The following WARS2 variants were observed in gnomAD, a reference collection of about 807,000 sequenced individuals.
WARS2 encodes the protein tryptophanyl tRNA synthetase 2, mitochondrial, also known as tryptophan--tRNA ligase, mitochondrial.
A neutral mutation model predicts 36.5 loss-of-function variants in WARS2; 28 were observed. The ratio of observed to expected loss-of-function variants is 0.77; its 90% CI spans 0.57 to 1.05. The LOEUF is 1.05. Ranked by LOEUF, WARS2 falls within the 50% of genes least tolerant of loss-of-function variation. The pLI, the probability that WARS2 is intolerant of heterozygous loss-of-function variation, is 0.00. For missense variants in WARS2, 435 were observed against 456.8 expected (o/e 0.95, Z 0.44); for synonymous variants, 174 against 178.4 (o/e 0.98, Z 0.20).
intron 5 of WARS2, among the ~76,000 whole-genome samples, chr1:119,033,830 A>T (rs896895474): frequency 6.6e-6 from 1 of 152,334 alleles, no homozygotes; most frequent in Admixed American, 6.5e-5. Context: ...TACTTTATAA[A>T]TATTATTTTA....
chr1:119,096,248 C>T (rs904990485), intron 1 of WARS2, among the ~76,000 whole-genome samples: 4 of 152,088 alleles, frequency 2.6e-5, no homozygotes, highest in Non-Finnish European at 5.9e-5. Flanking sequence ...AGTAATGCAG[C>T]AACAAAGTTT....
chr1:119,044,165 T>G (rs1648602387), intron 3 of WARS2, among the ~76,000 whole-genome samples: 2 of 152,178 alleles, frequency 1.3e-5, no homozygotes, highest in African/African-American at 4.8e-5. Flanking sequence ...AATGAAGGAA[T>G]CACCACAGAA....
At chr1:119,137,344 T>C (rs587686443) in intron 1 of WARS2, among the ~76,000 whole-genome samples, 1 of 152,322 alleles carries the variant, frequency 6.6e-6, no homozygotes, top group East Asian at 1.9e-4. Flanking sequence ...AACCACGCTT[T>C]TTTTCTTTTT....
chr1:119,079,850 G>A (rs977300717), intron 1 of WARS2, among the ~76,000 whole-genome samples: 4 of 152,258 alleles, frequency 2.6e-5, no homozygotes, highest in Admixed American at 6.5e-5. Flanking sequence ...TCAGGTAATT[G>A]AGAACAAATA....
At chr1:119,057,380 G>A (rs1038292655) in intron 2 of WARS2, among the ~76,000 whole-genome samples, 3 of 151,512 alleles carry the variant, frequency 2.0e-5, no homozygotes, top group African/African-American at 7.3e-5. Flanking sequence ...TCCTGATCTC[G>A]TGATCCTCCC....
chr1:119,042,193 G>C (rs1648426505), intron 4 of WARS2, 71 bp downstream of exon 4: 3 of 1,442,540 alleles, frequency 2.1e-6, no homozygotes, highest in Non-Finnish European at 2.9e-6. Flanking sequence ...AACCAAGTCT[G>C]TATTGAATAG....
intron 1 of WARS2, among the ~76,000 whole-genome samples, chr1:119,104,699 T>G (rs1026199616): frequency 1.3e-5 from 2 of 150,372 alleles, no homozygotes; most frequent in African/African-American, 4.9e-5. Context: ...GAAAAGTACC[T>G]TGGAGCACAT....
chr1:119,125,498 A>G lies in WARS2; in HGVS notation c.90+15057T>C, dbSNP rs1222939664. Among the ~76,000 whole-genome samples the G allele has an allele frequency of 3.3e-5, 5 of 152,328 alleles. No individual in the cohort carries two copies. In the South Asian group the frequency reaches 1.0e-3, roughly 32 times the overall value. On this transcript the variant is annotated intron_variant, in intron 1 of 5. Coordinates refer to ENST00000235521, the MANE Select transcript of WARS2 (RefSeq NM_015836.4). ...CTCCAATATCTACCATATAATAAGT[A>G]CTCAATAAATATTTGTTGAATGAAT...
intron 1 of WARS2, among the ~76,000 whole-genome samples, chr1:119,136,726 T>G (rs935902520): frequency 2.6e-5 from 4 of 152,204 alleles, no homozygotes; most frequent in Non-Finnish European, 5.9e-5. Flanking sequence ...AAACCTACAA[T>G]AACAAATACT....
At chr1:119,092,030 G>C (rs1476473023) in intron 1 of WARS2, among the ~76,000 whole-genome samples, 1 of 152,166 alleles carries the variant, frequency 6.6e-6, no homozygotes, top group African/African-American at 2.4e-5. Flanking sequence ...GTTTGAACTA[G>C]AATCTAGAAT....
intron 1 of WARS2, chr1:119,085,313 G>A (rs1557970234): frequency 2.4e-6 from 3 of 1,225,108 alleles, no homozygotes; most frequent in Non-Finnish European, 3.6e-6. Flanking sequence ...GCCCCTCCCT[G>A]GGCACTGACT....
intron 1 of WARS2, among the ~76,000 whole-genome samples, chr1:119,130,895 A>G (rs1226610218): frequency 1.3e-5 from 2 of 152,168 alleles, no homozygotes; most frequent in Non-Finnish European, 2.9e-5. Flanking sequence ...GGTGGCCTCT[A>G]GAAACATACT....
chr1:119,085,794 C>G (rs587617998), intron 1 of WARS2: 1 of 1,607,724 alleles, frequency 6.2e-7, no homozygotes, highest in Non-Finnish European at 8.5e-7. Flanking sequence ...TGAGAACACA[C>G]AGATGATGTC....
intron 2 of WARS2, among the ~76,000 whole-genome samples, chr1:119,072,306 A>C (rs1651387500): frequency 6.6e-6 from 1 of 152,230 alleles, no homozygotes; most frequent in African/African-American, 2.4e-5. Context: ...AGGTAAGCAC[A>C]GCTTCTACTC....
chr1:119,091,189 G>A (rs746939158), intron 1 of WARS2, among the ~76,000 whole-genome samples: 7 of 152,170 alleles, frequency 4.6e-5, no homozygotes, highest in Non-Finnish European at 1.0e-4. Flanking sequence ...TGCAAATTAT[G>A]TAACCTCTCT....
chr1:119,049,241 C>A lies in WARS2; in HGVS notation c.349-3579G>T, dbSNP rs558436716. ...GGAACGACATGGGGTTTGTCTGGGG[C>A]AGTCGGAGGACAACCTGGGCCACCA... On this transcript the variant is annotated intron_variant, in intron 2 of 5. Coordinates refer to ENST00000235521, the MANE Select transcript of WARS2 (RefSeq NM_015836.4). Among the ~76,000 whole-genome samples, 41 of 152,258 alleles carry A rather than the reference C, an allele frequency of 2.7e-4. No homozygotes were observed. In the South Asian group the frequency reaches 7.7e-3, roughly 28 times the overall value.
intron 1 of WARS2, among the ~76,000 whole-genome samples, chr1:119,083,660 A>C (rs1214655744): frequency 6.6e-6 from 1 of 152,220 alleles, no homozygotes; most frequent in Admixed American, 6.5e-5. Flanking sequence ...GCTCCCAGGA[A>C]GGATTACATC....
intron 2 of WARS2, among the ~76,000 whole-genome samples, chr1:119,051,450 A>G (rs1004974214): frequency 5.9e-5 from 9 of 152,160 alleles, no homozygotes; most frequent in African/African-American, 1.9e-4. Context: ...ATTGATGGGT[A>G]TTTAGGTTGA....
chr1:119,102,611 T>C (rs752915589), intron 1 of WARS2, among the ~76,000 whole-genome samples: 1 of 152,198 alleles, frequency 6.6e-6, no homozygotes, highest in African/African-American at 2.4e-5. Context: ...TATGGAAATA[T>C]AAAGAGGTTT....
Sources: gnomAD v4.1 joint callset for allele counts (sites outside exome capture counted in the v4.1 genomes callset) on GRCh38, gnomAD v4.1.1 for gene constraint, MANE v1.5 for transcripts, NCBI Gene and HGNC (gene_info 2026-07-23, HGNC 2026-07-21) for gene names.